NPFFR2: variants seen among roughly 807,000 people sequenced by gnomAD.
NPFFR2 encodes the protein neuropeptide FF receptor 2.
Under a neutral mutation model 13.1 loss-of-function variants are expected in NPFFR2, and 15 were observed. That is an observed-to-expected ratio of 1.15 (90% CI 0.77 to 1.76). The LOEUF (loss-of-function observed/expected upper bound fraction) is 1.76. NPFFR2 is among the 40% of genes most tolerant of loss of function. The pLI is 0.00. For synonymous variants in NPFFR2, 190 were observed against 175.7 expected, an observed-to-expected ratio of 1.08 and a Z score of -0.65; for missense variants, 572 against 503.5, an observed-to-expected ratio of 1.14 and a Z score of -1.30.
At chr4:72,077,686 T>C (rs1451932405) in intron 1 of NPFFR2, among the ~76,000 whole-genome samples, 1 of 152,116 alleles carries the variant, frequency 6.6e-6, no homozygotes, top group Non-Finnish European at 1.5e-5. Context: ...AAATAAGAGC[T>C]TCATCAGAAA....
intron 1 of NPFFR2, among the ~76,000 whole-genome samples, chr4:72,066,435 C>T (rs1462076430): frequency 6.6e-6 from 1 of 152,096 alleles, no homozygotes; most frequent in Admixed American, 6.6e-5. Flanking sequence ...CCCATAGCCC[C>T]TAAAGTATTA....
At position 72,032,053 on chromosome 4, in the gene NPFFR2, G is replaced by A. The variant is rs146044348; in HGVS notation, c.-155G>A. On this transcript the variant is annotated 5_prime_UTR_variant, in exon 1 of 4. Transcript: ENST00000308744. ...GCCTGGAGCGGAAGCCTGGAGTGGA[G>A]CAGGCAGTCCGCGGGGGACAGACGT... 219 of 1,614,114 alleles carry A rather than the reference G, an allele frequency of 1.4e-4. 1 individual carries two copies. The African/African-American group carries it at 2.7e-3, about 20-fold the overall frequency.
At chr4:72,064,223 G>A (rs1300291465) in intron 1 of NPFFR2, among the ~76,000 whole-genome samples, 2 of 152,190 alleles carry the variant, frequency 1.3e-5, no homozygotes, top group Non-Finnish European at 2.9e-5. Context: ...TGTGGGTCAG[G>A]AGCTCAGCAT....
intron 2 of NPFFR2, among the ~76,000 whole-genome samples, chr4:72,132,324 T>A (rs1722270624): frequency 6.6e-6 from 1 of 152,224 alleles, no homozygotes; most frequent in Non-Finnish European, 1.5e-5. Flanking sequence ...TCAAAGGACA[T>A]GAGCTCATTC....
intron 3 of NPFFR2, among the ~76,000 whole-genome samples, chr4:72,140,053 CTGTT>C (rs1722554010): frequency 6.6e-6 from 1 of 152,062 alleles, no homozygotes; most frequent in Non-Finnish European, 1.5e-5. Flanking sequence ...ATTTGGCTCT[CTGTT>C]TGTCTGTTAT....
intron 1 of NPFFR2, among the ~76,000 whole-genome samples, chr4:72,124,748 C>T (rs937300556): frequency 1.3e-5 from 2 of 152,120 alleles, no homozygotes; most frequent in Non-Finnish European, 2.9e-5. Context: ...TGGACCCCTT[C>T]CTTACACCTT....
intron 1 of NPFFR2, among the ~76,000 whole-genome samples, chr4:72,106,785 G>A (rs999770890): frequency 4.6e-5 from 7 of 151,892 alleles, no homozygotes; most frequent in Non-Finnish European, 7.4e-5. Flanking sequence ...TTATTAGGCT[G>A]AACAAATTCA....
rs563496439 is a variant in NPFFR2 at position 72,134,213 on chromosome 4, G to A, written c.329-3827G>A. On this transcript the variant is annotated intron_variant, in intron 2 of 3. Coordinates refer to ENST00000308744, the MANE Select transcript of NPFFR2 (RefSeq NM_004885.3). Reference sequence around the variant, plus strand: ...CCTGGAGGTGAGGTTGCAGTGAGCCGAGATCGTGCCACTGCACTCCAGCCT... The same window carrying A: ...CCTGGAGGTGAGGTTGCAGTGAGCCAAGATCGTGCCACTGCACTCCAGCCT... Among the ~76,000 whole-genome samples, 4 of 152,262 alleles carry A rather than the reference G, an allele frequency of 2.6e-5. No homozygotes were observed. The East Asian group carries it at 7.7e-4, about 29-fold the overall frequency.
chr4:72,072,456 C>A lies in NPFFR2; in HGVS notation c.-8+40256C>A, dbSNP rs929513424. Among the ~76,000 whole-genome samples, 476 of 151,986 alleles carry A rather than the reference C, an allele frequency of 3.1e-3. 4 individuals carry two copies. The highest frequency in any genetic ancestry group is 0.011 in the African/African-American group (439 of 41,484). On this transcript the variant is annotated intron_variant, in intron 1 of 3. Transcript: ENST00000308744. ...AATAGTCACTAGAGGGATTCAAGAG[C>A]AAATTTGATCAAGCAGAAAAATCAG...
rs28501479 is a variant in NPFFR2 at position 72,064,256 on chromosome 4, C to T, written c.-8+32056C>T. On this transcript the variant is annotated intron_variant, in intron 1 of 3. Transcript: ENST00000308744. ...CATGGCTCACCTGGGCCCTCTGGCT[C>T]AGGATCTCTCAGGCTGCCATCAAGG... Among the ~76,000 whole-genome samples, 1,219 of 152,338 alleles carry T rather than the reference C, an allele frequency of 8.0e-3. 8 individuals are homozygous for T. Among genetic ancestry groups the T allele is most frequent in the African/African-American group, 0.017 (707 of 41,580 alleles).
intron 1 of NPFFR2, among the ~76,000 whole-genome samples, chr4:72,040,190 A>G (rs1719167461): frequency 6.6e-6 from 1 of 152,132 alleles, no homozygotes. Flanking sequence ...ATTATTGTAT[A>G]CATTTTGGAT....
At chr4:72,047,088 G>T (rs1337594267) in intron 1 of NPFFR2, among the ~76,000 whole-genome samples, 1 of 152,046 alleles carries the variant, frequency 6.6e-6, no homozygotes, top group African/African-American at 2.4e-5. Flanking sequence ...ACAGTGAGAC[G>T]TGAGGGATGA....
At chr4:72,141,314 T>G (rs2109847070) in intron 3 of NPFFR2, among the ~76,000 whole-genome samples, 1 of 152,318 alleles carries the variant, frequency 6.6e-6, no homozygotes, top group Admixed American at 6.5e-5. Context: ...TTTGAATTTG[T>G]TTGCTCTTGC....
chr4:72,040,119 G>A (rs13150414), intron 1 of NPFFR2, among the ~76,000 whole-genome samples: 1 of 151,524 alleles, frequency 6.6e-6, no homozygotes, highest in East Asian at 1.9e-4. Context: ...CCATATTGTC[G>A]GCTGCCTTTG....
At chr4:72,035,502 C>CG (rs888499356) in intron 1 of NPFFR2, among the ~76,000 whole-genome samples, 9 of 152,036 alleles carry the variant, frequency 5.9e-5, no homozygotes, top group African/African-American at 2.2e-4. Flanking sequence ...GTTTAGCCCC[C>CG]CCTAAAAAAG....
intron 1 of NPFFR2, among the ~76,000 whole-genome samples, chr4:72,116,496 C>T (rs1721717810): frequency 6.6e-6 from 1 of 151,838 alleles, no homozygotes; most frequent in Non-Finnish European, 1.5e-5. Flanking sequence ...TGGGATCATT[C>T]GTACCCCGAA....
intron 1 of NPFFR2, among the ~76,000 whole-genome samples, chr4:72,096,071 G>A (rs4274816): frequency 0.95 from 144,951 of 152,318 alleles, 69,408 homozygotes; most frequent in East Asian, 1. Context: ...AAGGATATGT[G>A]TGCAAATATA....
At chr4:72,120,861 C>G (rs1195516699) in intron 1 of NPFFR2, among the ~76,000 whole-genome samples, 1 of 152,100 alleles carries the variant, frequency 6.6e-6, no homozygotes, top group African/African-American at 2.4e-5. Context: ...GACCACAACT[C>G]CTTGCCAGCA....
chr4:72,057,693 C>A (rs1719793239), intron 1 of NPFFR2, among the ~76,000 whole-genome samples: 1 of 151,876 alleles, frequency 6.6e-6, no homozygotes, highest in Non-Finnish European at 1.5e-5. Context: ...GGAGGAGTCA[C>A]AAACCAATGC....
Sources: gnomAD v4.1 joint callset for allele counts (sites outside exome capture counted in the v4.1 genomes callset) on GRCh38, gnomAD v4.1.1 for gene constraint, MANE v1.5 for transcripts, NCBI Gene and HGNC (gene_info 2026-07-23, HGNC 2026-07-21) for gene names.